The following TRIM2 variants were observed in gnomAD, a reference collection of about 807,000 sequenced individuals.
The protein encoded by TRIM2 is tripartite motif-containing protein 2.
In TRIM2, 20 loss-of-function variants were observed where a neutral mutation model predicts 75.2. That is an observed-to-expected ratio of 0.27 (90% CI 0.19 to 0.39). The LOEUF (loss-of-function observed/expected upper bound fraction) is 0.39, where lower values mean the gene tolerates loss of function less well. Ranked by LOEUF, TRIM2 falls within the 10% of genes least tolerant of loss-of-function variation. TRIM2 has a pLI of 1.00. For synonymous variants in TRIM2, 373 were observed against 388.3 expected, an observed-to-expected ratio of 0.96 and a Z score of 0.46; for missense variants, 660 against 990.8, an observed-to-expected ratio of 0.67 and a Z score of 4.48.
intron 1 of TRIM2, among the ~76,000 whole-genome samples, chr4:153,190,600 T>G (rs1298017506): frequency 1.3e-5 from 2 of 152,034 alleles, no homozygotes; most frequent in Non-Finnish European, 2.9e-5. Context: ...TGACAAGAAA[T>G]AGAAACAAAA....
At chr4:153,164,952 A>C (rs917839712) in intron 1 of TRIM2, among the ~76,000 whole-genome samples, 4 of 151,552 alleles carry the variant, frequency 2.6e-5, no homozygotes, top group African/African-American at 9.7e-5. Context: ...TTATTACTTC[A>C]TTTTTTTATA....
upstream of TRIM2, among the ~76,000 whole-genome samples, chr4:153,202,440 T>C (rs1189278836): frequency 1.3e-5 from 2 of 152,244 alleles, no homozygotes; most frequent in African/African-American, 4.8e-5. Context: ...CTCGTGCCTG[T>C]AATCCCAGCA....
chr4:153,283,666 G>GTC (rs34481634), intron 3 of TRIM2, among the ~76,000 whole-genome samples: 87,632 of 145,230 alleles, frequency 0.6, 27,979 homozygotes, highest in African/African-American at 0.82. Context: ...TTGAGACAGA[G>GTC]TTGCTCTTTT....
At chr4:153,281,673 G>A (rs756182484) in intron 3 of TRIM2, among the ~76,000 whole-genome samples, 6 of 152,336 alleles carry the variant, frequency 3.9e-5, no homozygotes, top group South Asian at 2.1e-4. Flanking sequence ...TGATTGGCAC[G>A]TGTGGATGAA....
chr4:153,280,208 A>G (rs1758973957), intron 3 of TRIM2, among the ~76,000 whole-genome samples: 1 of 152,074 alleles, frequency 6.6e-6, no homozygotes. Context: ...TATTAAATAC[A>G]TAGTATATAT....
At chr4:153,322,190 A>T (rs1769145479) in intron 8 of TRIM2, among the ~76,000 whole-genome samples, 1 of 151,990 alleles carries the variant, frequency 6.6e-6, no homozygotes, top group African/African-American at 2.4e-5. Flanking sequence ...TGGGTGGATC[A>T]CAAGGTCAGG....
chr4:153,328,783 A>G (rs776722656), intron 11 of TRIM2, 113 bp downstream of exon 11: 1 of 1,196,172 alleles, frequency 8.4e-7, no homozygotes, highest in Admixed American at 3.0e-5. Context: ...TAGGACATAG[A>G]ACCATAGATA....
chr4:153,273,568 C>T (rs1476399894), intron 2 of TRIM2, among the ~76,000 whole-genome samples: 3 of 150,264 alleles, frequency 2.0e-5, no homozygotes, highest in African/African-American at 7.4e-5. Flanking sequence ...GCTGGCATTA[C>T]AGGCGTGAGC....
intron 1 of TRIM2, among the ~76,000 whole-genome samples, chr4:153,214,572 G>A (rs148753804): frequency 3.3e-5 from 5 of 152,284 alleles, no homozygotes; most frequent in East Asian, 1.9e-4. Context: ...GCCTCTCAGC[G>A]TTCCACATCA....
At chr4:153,258,590 G>A (rs1193509068) in intron 1 of TRIM2, among the ~76,000 whole-genome samples, 5 of 152,102 alleles carry the variant, frequency 3.3e-5, no homozygotes, top group African/African-American at 1.2e-4. Context: ...TTAATAAATG[G>A]ATTTCTGAAC....
chr4:153,244,792 G>A (rs762997736), intron 1 of TRIM2, among the ~76,000 whole-genome samples: 3 of 152,108 alleles, frequency 2.0e-5, no homozygotes, highest in Non-Finnish European at 4.4e-5. Flanking sequence ...ATAACATCCT[G>A]TTTCTATCCA....
chr4:153,280,645 C>T (rs564245747), intron 3 of TRIM2, among the ~76,000 whole-genome samples: 34 of 152,090 alleles, frequency 2.2e-4, no homozygotes, highest in African/African-American at 8.0e-4. Context: ...TCCCAAAGTG[C>T]TAGGATTACA....
intron 6 of TRIM2, among the ~76,000 whole-genome samples, chr4:153,312,478 A>G (rs1319403101): frequency 6.6e-6 from 1 of 152,128 alleles, no homozygotes; most frequent in Non-Finnish European, 1.5e-5. Context: ...ACTGGCCATC[A>G]GAGAAATGCA....
chr4:153,182,505 G>C (rs1184146812), intron 1 of TRIM2, among the ~76,000 whole-genome samples: 1 of 152,136 alleles, frequency 6.6e-6, no homozygotes, highest in Non-Finnish European at 1.5e-5. Flanking sequence ...TTTGTAAATA[G>C]TACACACCCC....
intron 1 of TRIM2, among the ~76,000 whole-genome samples, chr4:153,196,270 C>A (rs377300927): frequency 1.5e-4 from 22 of 148,858 alleles, no homozygotes; most frequent in African/African-American, 4.0e-4. Flanking sequence ...ACCACCCCCC[C>A]CCACACACAC....
intron 1 of TRIM2, among the ~76,000 whole-genome samples, chr4:153,187,672 C>T (rs967157370): frequency 6.6e-6 from 1 of 152,190 alleles, no homozygotes; most frequent in South Asian, 2.1e-4. Flanking sequence ...CACAGAGCCT[C>T]GCCCAGGTGG....
At chr4:153,329,598 G>T (rs761369563) in intron 11 of TRIM2, among the ~76,000 whole-genome samples, 1 of 151,862 alleles carries the variant, frequency 6.6e-6, no homozygotes, top group Non-Finnish European at 1.5e-5. Context: ...CACTTTGGGA[G>T]GCCAAGGCAG....
At chr4:153,260,370 T>C (rs1206658638) in intron 1 of TRIM2, among the ~76,000 whole-genome samples, 7 of 152,212 alleles carry the variant, frequency 4.6e-5, no homozygotes, top group African/African-American at 1.7e-4. Flanking sequence ...CCACTTAACA[T>C]TCCACCACAC....
At chr4:153,258,281 C>T (rs1318114010) in intron 1 of TRIM2, among the ~76,000 whole-genome samples, 1 of 151,882 alleles carries the variant, frequency 6.6e-6, no homozygotes, top group Non-Finnish European at 1.5e-5. Context: ...CATTGAGGGC[C>T]AGCAAACAAA....
Sources: gnomAD v4.1 joint callset for allele counts (sites outside exome capture counted in the v4.1 genomes callset) on GRCh38, gnomAD v4.1.1 for gene constraint, MANE v1.5 for transcripts, NCBI Gene and HGNC (gene_info 2026-07-23, HGNC 2026-07-21) for gene names.